The following GPLD1 variants were observed in gnomAD, a reference collection of about 807,000 sequenced individuals.
GPLD1 encodes the protein phosphatidylinositol-glycan-specific phospholipase D.
Under a neutral mutation model 112.6 loss-of-function variants are expected in GPLD1, and 84 were observed. The ratio of observed to expected loss-of-function variants is 0.75; its 90% CI spans 0.63 to 0.89. The LOEUF (loss-of-function observed/expected upper bound fraction) is 0.89, where lower values mean the gene tolerates loss of function less well. Among genes scored for constraint, GPLD1 ranks in the 40% least tolerant of loss-of-function variants. The pLI is 0.00. For missense variants in GPLD1, 1,044 were observed against 1,051.5 expected (o/e 0.99, Z 0.10); for synonymous variants, 386 against 403.8 (o/e 0.96, Z 0.53).
At chr6:24,484,960 T>C (rs1476292432) in intron 2 of GPLD1, among the ~76,000 whole-genome samples, 5 of 152,196 alleles carry the variant, frequency 3.3e-5, no homozygotes, top group African/African-American at 1.2e-4. Context: ...AATATAAGTA[T>C]GAAAGAATTA....
intron 15 of GPLD1, among the ~76,000 whole-genome samples, chr6:24,448,803 T>C (rs971066495): frequency 1.3e-5 from 2 of 152,268 alleles, no homozygotes; most frequent in African/African-American, 4.8e-5. Context: ...TGCCTGAGGA[T>C]ACACACTGTG....
chr6:24,472,898 C>A (rs550953078), intron 6 of GPLD1, among the ~76,000 whole-genome samples: 2 of 152,066 alleles, frequency 1.3e-5, no homozygotes, highest in African/African-American at 4.8e-5. Flanking sequence ...GCCTCAGCCT[C>A]CCTCGTAGCT....
rs1763860146 is a variant in GPLD1, at chr6:24,472,575, C to T, written c.545+7G>A. ...ATACCACATATTTAGATGTACATTG[C>T]TCTTACCAGCGTCGTGCAAGGTAAT... On this transcript the variant is annotated splice_region_variant and intron_variant, in intron 7 of 24. Transcript: ENST00000230036. 7 of 1,547,382 alleles carry T rather than the reference C, an allele frequency of 4.5e-6. No individual in the cohort carries two copies. The highest frequency in any genetic ancestry group is 1.7e-4 in the Middle Eastern group (1 of 5,948).
Position 24,456,497 on chromosome 6 carries a change from C to T in GPLD1, c.1148+1G>A. ...CACAAGTTAGATAAACTTATACGTA[C>T]CAGCCAAGCCTCGCATAAGGAAATG... On this transcript the variant is annotated splice_donor_variant, in intron 13 of 24. Transcript: ENST00000230036. LOFTEE classifies it high-confidence loss of function. The T allele has an allele frequency of 6.3e-7, 1 of 1,596,290 alleles. No homozygotes were observed. The highest frequency in any genetic ancestry group is 8.6e-7 in the Non-Finnish European group (1 of 1,169,266).
upstream of GPLD1, chr6:24,489,627 C>T (rs967211205): frequency 3.4e-5 from 51 of 1,502,938 alleles, no homozygotes; most frequent in Admixed American, 7.0e-5. Flanking sequence ...GGTCACTGAC[C>T]GAGGAAACCA....
Position 24,448,213 on chromosome 6 carries a change from A to C in GPLD1, c.1447-5T>G. The C allele has an allele frequency of 6.3e-7, 1 of 1,596,920 alleles. No individual in the cohort carries two copies. The highest frequency in any genetic ancestry group is 8.6e-7 in the Non-Finnish European group (1 of 1,168,446). On this transcript the variant is annotated splice_polypyrimidine_tract_variant and splice_region_variant and intron_variant, in intron 15 of 24. Transcript: ENST00000230036. ...AAAGTAGACATACACGGCACCCTAG[A>C]TAAGGACAAACAGCAGATAGACATG...
intron 17 of GPLD1, 59 bp from the exon 18 acceptor site, chr6:24,447,038 AAAAG>A: frequency 6.7e-7 from 1 of 1,489,474 alleles, no homozygotes. Context: ...TACTGGGATG[AAAAG>A]AAAGGGTCCT....
At chr6:24,475,571 G>A (rs375916387) in intron 4 of GPLD1, among the ~76,000 whole-genome samples, 4 of 146,360 alleles carry the variant, frequency 2.7e-5, no homozygotes, top group South Asian at 2.2e-4. Flanking sequence ...CAGGCCGGGC[G>A]CAGTGGCTCA....
chr6:24,430,802 C>T (rs1246920265), intron 24 of GPLD1, among the ~76,000 whole-genome samples: 3 of 152,106 alleles, frequency 2.0e-5, no homozygotes, highest in Non-Finnish European at 2.9e-5. Flanking sequence ...ACACCCAGAG[C>T]GTTCAATGCC....
At chr6:24,471,190 C>T (rs1319601974) in intron 7 of GPLD1, among the ~76,000 whole-genome samples, 4 of 152,142 alleles carry the variant, frequency 2.6e-5, no homozygotes, top group Non-Finnish European at 4.4e-5. Context: ...CATACATATA[C>T]ATAACATTTT....
chr6:24,487,688 G>A (rs1764423428), intron 1 of GPLD1, among the ~76,000 whole-genome samples: 1 of 152,200 alleles, frequency 6.6e-6, no homozygotes, highest in Non-Finnish European at 1.5e-5. Context: ...ATAGAATTGA[G>A]AGGTAGGTAA....
chr6:24,489,361 G>T, intron 1 of GPLD1, 54 bp downstream of exon 1: 2 of 1,281,500 alleles, frequency 1.6e-6, no homozygotes, highest in Non-Finnish European at 2.3e-6. Context: ...CTTCCTTAAT[G>T]TCTTTGACAG....
intron 24 of GPLD1, among the ~76,000 whole-genome samples, chr6:24,431,386 T>C (rs922953702): frequency 6.6e-6 from 1 of 152,198 alleles, no homozygotes; most frequent in South Asian, 2.1e-4. Context: ...TAGCATTTAA[T>C]CCTATACTAA....
At chr6:24,468,480 C>T (rs1177436110) in intron 7 of GPLD1, among the ~76,000 whole-genome samples, 1 of 152,216 alleles carries the variant, frequency 6.6e-6, no homozygotes, top group Non-Finnish European at 1.5e-5. Context: ...CTACCTATGA[C>T]CTGGAAGCCT....
chr6:24,427,723 G>C lies in GPLD1; in HGVS notation c.*1309C>G, dbSNP rs922422404. Reference sequence around the variant, plus strand: ...TAGCCGGGCGTAGTATTGTGCACCTGTAGTCCCAGCTGCCTGGGAGGCTGA... The same window carrying C: ...TAGCCGGGCGTAGTATTGTGCACCTCTAGTCCCAGCTGCCTGGGAGGCTGA... On this transcript the variant is annotated 3_prime_UTR_variant, in exon 25 of 25. Transcript: ENST00000230036. Among the ~76,000 whole-genome samples the C allele has an allele frequency of 6.6e-6, 1 of 151,584 alleles. No individual in the cohort carries two copies. Among genetic ancestry groups the C allele is most frequent in the Non-Finnish European group, 1.5e-5 (1 of 67,966 alleles).
In GPLD1 at chr6:24,484,077, G is replaced by A. The variant is rs7760684; in HGVS notation, c.153+1998C>T. Among the ~76,000 whole-genome samples the A allele has an allele frequency of 1.5e-4, 23 of 151,514 alleles. 1 individual carries two copies. Among genetic ancestry groups the A allele is most frequent in the African/African-American group, 4.4e-4 (18 of 41,284 alleles). On this transcript the variant is annotated intron_variant, in intron 2 of 24. Transcript: ENST00000230036. ...ATTACAGGCGCCCACCACGATGCCC[G>A]GCTAATTTTTTGTATTTTTAGTAGA...
chr6:24,492,911 C>T (rs1764593049), upstream of GPLD1, among the ~76,000 whole-genome samples: 1 of 152,194 alleles, frequency 6.6e-6, no homozygotes, highest in African/African-American at 2.4e-5. Flanking sequence ...TTTACATCTG[C>T]ATTGGTGTAA....
intron 4 of GPLD1, among the ~76,000 whole-genome samples, chr6:24,475,941 A>G (rs760121569): frequency 6.6e-6 from 1 of 152,156 alleles, no homozygotes; most frequent in Non-Finnish European, 1.5e-5. Context: ...GATGTGTTGG[A>G]AGTGCTTTCA....
intron 10 of GPLD1, among the ~76,000 whole-genome samples, chr6:24,466,296 C>T (rs373283799): frequency 2.6e-5 from 4 of 152,170 alleles, no homozygotes; most frequent in Non-Finnish European, 5.9e-5. Context: ...GCAGTGAAGC[C>T]GAGATCGTGC....
Sources: allele counts gnomAD v4.1 joint callset (sites outside exome capture counted in the v4.1 genomes callset), GRCh38; gene constraint gnomAD v4.1.1; transcripts MANE v1.5; gene names NCBI Gene and HGNC (gene_info 2026-07-23, HGNC 2026-07-21).